SGCZ: variants seen among roughly 807,000 people sequenced by gnomAD.
The protein encoded by SGCZ is zeta-sarcoglycan.
SGCZ carries 40 observed loss-of-function variants against 41.3 expected under a neutral mutation model. The ratio of observed to expected loss-of-function variants is 0.97; its 90% CI spans 0.75 to 1.26. SGCZ has a LOEUF of 1.26. Ranked by LOEUF, SGCZ falls within the 50% of genes most tolerant of loss-of-function variation. SGCZ has a pLI of 0.00. For missense variants in SGCZ, 552 were observed against 369.8 expected (o/e 1.49, Z -4.04); for synonymous variants, 206 against 137.5 (o/e 1.50, Z -3.49).
chr8:14,469,664 A>G (rs999503543), intron 2 of SGCZ, among the ~76,000 whole-genome samples: 1 of 152,152 alleles, frequency 6.6e-6, no homozygotes, highest in Non-Finnish European at 1.5e-5. Flanking sequence ...AGGCATGATT[A>G]GAGGGTTAGA....
intron 1 of SGCZ, among the ~76,000 whole-genome samples, chr8:14,739,076 C>T (rs6984589): frequency 0.024 from 3,639 of 152,096 alleles, 143 homozygotes; most frequent in African/African-American, 0.083. Flanking sequence ...CCCCTGAAAA[C>T]ATTTAATACC....
In SGCZ at chr8:14,929,082, C is replaced by T. The variant is rs553447657; in HGVS notation, c.39+308503G>A. Among the ~76,000 whole-genome samples, 6 of 152,208 alleles carry T rather than the reference C, an allele frequency of 3.9e-5. No homozygotes were observed. In the South Asian group the frequency reaches 6.2e-4, roughly 16 times the overall value. ...TCTCGGCTCACTGCGACCTCCACCT[C>T]CCGGGTTCAAGTGATTCTCCTGCCT... On this transcript the variant is annotated intron_variant, in intron 1 of 7. Coordinates refer to ENST00000382080, the MANE Select transcript of SGCZ (RefSeq NM_139167.4).
chr8:14,547,974 T>C (rs1239318581), intron 2 of SGCZ, among the ~76,000 whole-genome samples: 2 of 152,210 alleles, frequency 1.3e-5, no homozygotes, highest in Non-Finnish European at 2.9e-5. Flanking sequence ...AGAGTAAATT[T>C]CATTCACATG....
chr8:15,153,665 C>G (rs765961200), intron 1 of SGCZ, among the ~76,000 whole-genome samples: 1 of 152,042 alleles, frequency 6.6e-6, no homozygotes, highest in South Asian at 2.1e-4. Flanking sequence ...ACTTTCCCCC[C>G]ACCCTCTCTC....
At chr8:14,943,672 T>C (rs1190418260) in intron 1 of SGCZ, among the ~76,000 whole-genome samples, 1 of 152,126 alleles carries the variant, frequency 6.6e-6, no homozygotes, top group Non-Finnish European at 1.5e-5. Flanking sequence ...AATTATTTCA[T>C]CACCCAAGTA....
intron 1 of SGCZ, among the ~76,000 whole-genome samples, chr8:14,880,781 C>T (rs561235947): frequency 2.0e-4 from 31 of 152,038 alleles, no homozygotes; most frequent in Non-Finnish European, 3.4e-4. Context: ...GGAAGGGGAA[C>T]ACCAGACACC....
intron 1 of SGCZ, among the ~76,000 whole-genome samples, chr8:14,557,662 C>T (rs1848884): frequency 1.3e-5 from 2 of 151,868 alleles, no homozygotes; most frequent in Admixed American, 1.3e-4. Context: ...ATTACCCCCA[C>T]ACCATTTGTT....
intron 1 of SGCZ, among the ~76,000 whole-genome samples, chr8:14,901,320 G>C (rs919839163): frequency 4.6e-5 from 7 of 152,134 alleles, no homozygotes; most frequent in Non-Finnish European, 1.0e-4. Context: ...AAAGGCATCT[G>C]TCCATTATGC....
chr8:14,909,317 C>T (rs1429828270), intron 1 of SGCZ, among the ~76,000 whole-genome samples: 2 of 152,158 alleles, frequency 1.3e-5, no homozygotes, highest in Admixed American at 6.5e-5. Flanking sequence ...AAATACATCC[C>T]TTTTAAATAA....
chr8:14,628,866 G>T (rs1806550511), intron 1 of SGCZ, among the ~76,000 whole-genome samples: 1 of 152,056 alleles, frequency 6.6e-6, no homozygotes, highest in African/African-American at 2.4e-5. Flanking sequence ...TTTTGGTGTG[G>T]TTCTCATAAT....
At chr8:14,816,140 A>T (rs1215273783) in intron 1 of SGCZ, among the ~76,000 whole-genome samples, 1 of 152,248 alleles carries the variant, frequency 6.6e-6, no homozygotes, top group Non-Finnish European at 1.5e-5. Flanking sequence ...CATTTTGTAT[A>T]CTAAGTCTCG....
intron 1 of SGCZ, among the ~76,000 whole-genome samples, chr8:14,863,573 C>T (rs994461261): frequency 3.9e-5 from 6 of 152,124 alleles, no homozygotes; most frequent in Non-Finnish European, 8.8e-5. Context: ...ACTGACAGTC[C>T]TATCAGGCTC....
At chr8:14,900,219 A>G (rs1353924576) in intron 1 of SGCZ, among the ~76,000 whole-genome samples, 1 of 152,210 alleles carries the variant, frequency 6.6e-6, no homozygotes, top group African/African-American at 2.4e-5. Context: ...TAAAATAAAC[A>G]GCTTACGGTA....
chr8:14,385,759 C>T (rs539776431), intron 2 of SGCZ, among the ~76,000 whole-genome samples: 66 of 151,942 alleles, frequency 4.3e-4, no homozygotes, highest in African/African-American at 1.5e-3. Context: ...AAACAAAATC[C>T]AGGAAGAATG....
chr8:14,324,567 C>G (rs1300122981), intron 2 of SGCZ, among the ~76,000 whole-genome samples: 1 of 152,060 alleles, frequency 6.6e-6, no homozygotes, highest in Non-Finnish European at 1.5e-5. Context: ...GCAGAGAAAT[C>G]TAGTAATATT....
intron 1 of SGCZ, among the ~76,000 whole-genome samples, chr8:14,798,305 A>G (rs1030158134): frequency 1.3e-5 from 2 of 152,198 alleles, no homozygotes; most frequent in African/African-American, 4.8e-5. Context: ...GGAAGGCAAT[A>G]ATCCTCTCCC....
chr8:14,939,810 C>T (rs1342226909), intron 1 of SGCZ, among the ~76,000 whole-genome samples: 2 of 152,138 alleles, frequency 1.3e-5, no homozygotes, highest in Non-Finnish European at 1.5e-5. Context: ...ACACACCACT[C>T]TCCTGATTTC....
chr8:14,227,755 C>T (rs772509742), intron 4 of SGCZ, among the ~76,000 whole-genome samples: 10 of 152,008 alleles, frequency 6.6e-5, no homozygotes, highest in Non-Finnish European at 1.5e-4. Context: ...TTCATTTTCT[C>T]CTCTTCCTTT....
At chr8:14,550,756 G>A (rs1035326027) in intron 2 of SGCZ, among the ~76,000 whole-genome samples, 7 of 151,916 alleles carry the variant, frequency 4.6e-5, no homozygotes, top group African/African-American at 1.5e-4. Flanking sequence ...CCCTTTAGAA[G>A]GACATACATC....
Sources: allele counts gnomAD v4.1 joint callset (sites outside exome capture counted in the v4.1 genomes callset), GRCh38; gene constraint gnomAD v4.1.1; transcripts MANE v1.5; gene names NCBI Gene and HGNC (gene_info 2026-07-23, HGNC 2026-07-21).